Variants in CPNE4 observed in about 807,000 individuals in gnomAD.
The protein encoded by CPNE4 is copine-4.
CPNE4 carries 25 observed loss-of-function variants against 67.9 expected under a neutral mutation model. That is an observed-to-expected ratio of 0.37 (90% CI 0.27 to 0.51). The LOEUF is 0.51. CPNE4 is among the 20% of genes least tolerant of loss of function. The pLI is 0.93. For synonymous variants in CPNE4, 242 were observed against 244.9 expected (o/e 0.99, Z 0.11); for missense variants, 464 against 690.8 (o/e 0.67, Z 3.68).
At chr3:131,926,464 A>G (rs188033791) in intron 1 of CPNE4, among the ~76,000 whole-genome samples, 50 of 152,112 alleles carry the variant, frequency 3.3e-4, no homozygotes, top group African/African-American at 1.1e-3. Context: ...AAACAATTAT[A>G]ATGAAAAGAA....
intron 2 of CPNE4, among the ~76,000 whole-genome samples, chr3:131,799,928 TGTG>T (rs768011834): frequency 3.1e-4 from 12 of 38,480 alleles, no homozygotes; most frequent in East Asian, 8.4e-4. Context: ...GTTGTGTGTG[TGTG>T]TGTGTGTGTG....
intron 12 of CPNE4, among the ~76,000 whole-genome samples, chr3:131,552,917 A>T (rs749933898): frequency 6.6e-6 from 1 of 152,126 alleles, no homozygotes; most frequent in Non-Finnish European, 1.5e-5. Context: ...GAAGATAGCG[A>T]TGGTTATAAA....
At chr3:131,615,891 T>TCACACACACACACACA (rs746630965) in intron 7 of CPNE4, among the ~76,000 whole-genome samples, 70 of 107,814 alleles carry the variant, frequency 6.5e-4, no homozygotes, top group African/African-American at 3.1e-3. Context: ...TCTCTCTCTC[T>TCACACACACACACACA]CACACACACA....
chr3:131,948,945 G>C (rs2107879929), intron 1 of CPNE4, among the ~76,000 whole-genome samples: 1 of 152,342 alleles, frequency 6.6e-6, no homozygotes, highest in Non-Finnish European at 1.5e-5. Flanking sequence ...GAAGAAAAGA[G>C]AACAGGTTTT....
At chr3:132,017,235 A>C (rs2073906577) in intron 1 of CPNE4, among the ~76,000 whole-genome samples, 1 of 152,158 alleles carries the variant, frequency 6.6e-6, no homozygotes. Context: ...AAGGAAGAAA[A>C]GACGAAAGGA....
intron 1 of CPNE4, among the ~76,000 whole-genome samples, chr3:131,971,007 C>G (rs1024843585): frequency 6.6e-6 from 1 of 152,200 alleles, no homozygotes; most frequent in Admixed American, 6.5e-5. Context: ...ATCACTAGAT[C>G]ATCTGCTAGA....
chr3:131,942,819 A>C (rs1032390162), intron 1 of CPNE4, among the ~76,000 whole-genome samples: 5 of 152,140 alleles, frequency 3.3e-5, no homozygotes, highest in African/African-American at 1.2e-4. Context: ...TCATCTGTAA[A>C]ATGATCTCTA....
intron 2 of CPNE4, among the ~76,000 whole-genome samples, chr3:131,824,158 A>C (rs2085064993): frequency 7.0e-6 from 1 of 142,938 alleles, no homozygotes; most frequent in South Asian, 2.5e-4. Context: ...ATAAAGTGTG[A>C]GATACAATTC....
chr3:131,907,568 T>G (rs1481450021), intron 1 of CPNE4, among the ~76,000 whole-genome samples: 2 of 151,990 alleles, frequency 1.3e-5, no homozygotes, highest in Non-Finnish European at 2.9e-5. Context: ...GCTTATTCAT[T>G]TATGTATTTA....
At chr3:131,653,451 G>GAT (rs1293057675) in intron 7 of CPNE4, among the ~76,000 whole-genome samples, 1 of 152,024 alleles carries the variant, frequency 6.6e-6, no homozygotes, top group African/African-American at 2.4e-5. Context: ...CCTGGCCACT[G>GAT]ATACGACTTT....
At chr3:131,640,547 C>T (rs547712836) in intron 7 of CPNE4, among the ~76,000 whole-genome samples, 1 of 152,204 alleles carries the variant, frequency 6.6e-6, no homozygotes, top group East Asian at 1.9e-4. Context: ...ACATCCAATG[C>T]TCATGGAAGG....
At chr3:132,029,274 A>C (rs2074187434) in intron 1 of CPNE4, among the ~76,000 whole-genome samples, 1 of 152,182 alleles carries the variant, frequency 6.6e-6, no homozygotes, top group African/African-American at 2.4e-5. Flanking sequence ...CTAACCAGGC[A>C]CTGGAAGACA....
chr3:131,807,745 ATATT>A (rs1372252149), intron 2 of CPNE4, among the ~76,000 whole-genome samples: 4 of 152,148 alleles, frequency 2.6e-5, no homozygotes, highest in East Asian at 3.8e-4. Flanking sequence ...TCTCACCTGT[ATATT>A]TATTATTTTA....
chr3:131,919,807 A>T (rs1474801290), intron 1 of CPNE4, among the ~76,000 whole-genome samples: 1 of 152,210 alleles, frequency 6.6e-6, no homozygotes, highest in Non-Finnish European at 1.5e-5. Context: ...TATCTTTAAC[A>T]TCGAACTAGG....
chr3:131,909,273 CA>C (rs2088887550), intron 1 of CPNE4, among the ~76,000 whole-genome samples: 1 of 152,076 alleles, frequency 6.6e-6, no homozygotes, highest in South Asian at 2.1e-4. Flanking sequence ...CTGGGATAGA[CA>C]ATTTATTCTT....
chr3:131,600,992 CT>C (rs1416927430), intron 7 of CPNE4, among the ~76,000 whole-genome samples: 1 of 152,116 alleles, frequency 6.6e-6, no homozygotes, highest in Non-Finnish European at 1.5e-5. Context: ...GCAAAACTTC[CT>C]TTTCCAAAAT....
chr3:131,922,606 G>A (rs1043778803), intron 1 of CPNE4, among the ~76,000 whole-genome samples: 4 of 152,192 alleles, frequency 2.6e-5, no homozygotes, highest in Non-Finnish European at 5.9e-5. Flanking sequence ...AAATGGATGA[G>A]TATCATTTGG....
intron 7 of CPNE4, among the ~76,000 whole-genome samples, chr3:131,606,869 C>T (rs768776689): frequency 4.0e-5 from 6 of 151,668 alleles, no homozygotes; most frequent in Non-Finnish European, 8.8e-5. Context: ...TTATTTGTGA[C>T]GTGATTTATT....
At chr3:131,837,137 A>T (rs1456802765) in intron 2 of CPNE4, among the ~76,000 whole-genome samples, 1 of 152,164 alleles carries the variant, frequency 6.6e-6, no homozygotes, top group Non-Finnish European at 1.5e-5. Flanking sequence ...GGGAATGTAA[A>T]ATGGTACCAC....
Sources: gnomAD v4.1 joint callset for allele counts (sites outside exome capture counted in the v4.1 genomes callset) on GRCh38, gnomAD v4.1.1 for gene constraint, MANE v1.5 for transcripts, NCBI Gene and HGNC (gene_info 2026-07-23, HGNC 2026-07-21) for gene names.